WWOX: variants seen among roughly 807,000 people sequenced by gnomAD.
WWOX encodes WW domain containing oxidoreductase.
Under a neutral mutation model 46.2 loss-of-function variants are expected in WWOX, and 69 were observed. That is an observed-to-expected ratio of 1.49 (90% CI 1.23 to 1.82). The LOEUF is 1.82. WWOX is among the 40% of genes most tolerant of loss of function. The probability of loss-of-function intolerance (pLI) is 0.00; values close to 1 mark genes in which losing one functional copy is unlikely to be tolerated. For synonymous variants in WWOX, 359 were observed against 202.6 expected (o/e 1.77, Z -6.56); for missense variants, 919 against 542.6 (o/e 1.69, Z -6.89).
chr16:78,501,226 G>C (rs563444673), intron 8 of WWOX, among the ~76,000 whole-genome samples: 2 of 45,550 alleles, frequency 4.4e-5, no homozygotes, highest in Non-Finnish European at 1.4e-4. Context: ...TTTTGGAGCA[G>C]CACCTGCATG....
At chr16:79,046,033 C>G (rs902635194) in intron 8 of WWOX, among the ~76,000 whole-genome samples, 3 of 152,140 alleles carry the variant, frequency 2.0e-5, no homozygotes, top group Admixed American at 6.5e-5. Context: ...AGCTCCTGAC[C>G]TCAGATGATC....
chr16:78,818,718 C>A (rs76643487), intron 8 of WWOX, among the ~76,000 whole-genome samples: 1 of 152,228 alleles, frequency 6.6e-6, no homozygotes, highest in Admixed American at 6.5e-5. Context: ...GTTTTGAGTG[C>A]TGCCTCTACC....
rs75000248 is a variant in WWOX, at chr16:78,376,293, G to C, written c.517-10567G>C. On this transcript the variant is annotated intron_variant, in intron 5 of 8. Transcript: ENST00000566780. ...CAAAGCTAGTGAAGTATGTGGGGGC[G>C]GTTTTTAATGAATGATTGAACATTC... 4.0e-3 allele frequency among the ~76,000 whole-genome samples: 605 copies of C among 152,192 alleles called. 5 individuals carry two copies. The highest frequency in any genetic ancestry group is 0.014 in the African/African-American group (574 of 41,506).
chr16:78,457,965 C>G (rs1049816187), intron 8 of WWOX, among the ~76,000 whole-genome samples: 9 of 148,068 alleles, frequency 6.1e-5, no homozygotes, highest in African/African-American at 2.0e-4. Flanking sequence ...GTAATCACAG[C>G]TATCCAGAGG....
intron 8 of WWOX, among the ~76,000 whole-genome samples, chr16:78,466,965 G>T (rs531007659): frequency 6.6e-6 from 1 of 152,148 alleles, no homozygotes; most frequent in Non-Finnish European, 1.5e-5. Flanking sequence ...ACAGATCTTA[G>T]AGAGGGACAC....
chr16:78,708,697 C>G (rs541580651), intron 8 of WWOX, among the ~76,000 whole-genome samples: 24 of 152,218 alleles, frequency 1.6e-4, no homozygotes, highest in African/African-American at 5.3e-4. Context: ...GGCTTTGCCT[C>G]CAAGTGCGTT....
At chr16:78,318,802 C>G (rs1162025654) in intron 5 of WWOX, among the ~76,000 whole-genome samples, 1 of 152,148 alleles carries the variant, frequency 6.6e-6, no homozygotes, top group East Asian at 1.9e-4. Context: ...GATTTTTACT[C>G]ACTTTTCTAC....
At chr16:78,338,297 C>T (rs551233901) in intron 5 of WWOX, among the ~76,000 whole-genome samples, 1 of 121,386 alleles carries the variant, frequency 8.2e-6, no homozygotes, top group African/African-American at 2.8e-5. Flanking sequence ...ATGTAGACAC[C>T]AACACCCTCA....
At chr16:78,929,332 G>A (rs920403457) in intron 8 of WWOX, among the ~76,000 whole-genome samples, 1 of 151,632 alleles carries the variant, frequency 6.6e-6, no homozygotes, top group African/African-American at 2.4e-5. Flanking sequence ...GCAAATACTT[G>A]AATTTTCAGT....
chr16:78,831,852 A>C (rs1406844248), intron 8 of WWOX, among the ~76,000 whole-genome samples: 1 of 152,188 alleles, frequency 6.6e-6, no homozygotes, highest in Non-Finnish European at 1.5e-5. Flanking sequence ...CTTAGGAGAC[A>C]CAGGGGAGGA....
chr16:78,229,705 TCATTTAAGC>T (rs1259550967), intron 5 of WWOX, among the ~76,000 whole-genome samples: 1 of 152,010 alleles, frequency 6.6e-6, no homozygotes, highest in Non-Finnish European at 1.5e-5. Context: ...TGTTGGTAGC[TCATTTAAGC>T]CATAAACATG....
chr16:78,878,572 C>G (rs1041553031), intron 8 of WWOX, among the ~76,000 whole-genome samples: 1 of 152,058 alleles, frequency 6.6e-6, no homozygotes, highest in African/African-American at 2.4e-5. Flanking sequence ...ATATTAACAC[C>G]TATTTTACAG....
rs140120757 is a variant in WWOX, at chr16:78,231,479, A to T, written c.516+67190A>T. On this transcript the variant is annotated intron_variant, in intron 5 of 8. Coordinates refer to ENST00000566780, the MANE Select transcript of WWOX (RefSeq NM_016373.4). Reference sequence around the variant, plus strand: ...GTGGCCATCGAAAATAGTCAGCCTGAGTGTTGCTACCTGTTTTCCATAATT... The same window carrying T: ...GTGGCCATCGAAAATAGTCAGCCTGTGTGTTGCTACCTGTTTTCCATAATT... Among the ~76,000 whole-genome samples the T allele has an allele frequency of 3.4e-3, 519 of 152,282 alleles. 5 individuals carry two copies. The highest frequency in any genetic ancestry group is 0.012 in the African/African-American group (478 of 41,550).
At chr16:78,138,037 C>G (rs929396259) in intron 4 of WWOX, among the ~76,000 whole-genome samples, 1 of 150,606 alleles carries the variant, frequency 6.6e-6, no homozygotes, top group Non-Finnish European at 1.5e-5. Flanking sequence ...TTCTGATCAG[C>G]TTCTATAATG....
chr16:78,384,466 A>G (rs899032685), intron 5 of WWOX, among the ~76,000 whole-genome samples: 2 of 152,082 alleles, frequency 1.3e-5, no homozygotes, highest in African/African-American at 4.8e-5. Context: ...TCAGTTACTC[A>G]GACAGCTTAT....
At chr16:78,931,930 A>C (rs76023941) in intron 8 of WWOX, among the ~76,000 whole-genome samples, 1 of 152,178 alleles carries the variant, frequency 6.6e-6, no homozygotes, top group Non-Finnish European at 1.5e-5. Flanking sequence ...AATAAGTCCC[A>C]TGAGATCTGA....
intron 5 of WWOX, among the ~76,000 whole-genome samples, chr16:78,265,770 T>C: frequency 6.6e-6 from 1 of 151,848 alleles, no homozygotes; most frequent in East Asian, 1.9e-4. Context: ...TTTTCACAGC[T>C]GTGTCTTCAT....
At chr16:78,481,502 C>T (rs1297202046) in intron 8 of WWOX, among the ~76,000 whole-genome samples, 5 of 151,978 alleles carry the variant, frequency 3.3e-5, no homozygotes, top group Admixed American at 6.6e-5. Flanking sequence ...GCAGGATGTT[C>T]GTTTGTTTAT....
chr16:78,940,268 A>G (rs1294173855), intron 8 of WWOX, among the ~76,000 whole-genome samples: 2 of 152,224 alleles, frequency 1.3e-5, no homozygotes, highest in Non-Finnish European at 2.9e-5. Context: ...TTTGTATTAA[A>G]TAACCTCTGT....
Sources: allele counts gnomAD v4.1 joint callset (sites outside exome capture counted in the v4.1 genomes callset), GRCh38; gene constraint gnomAD v4.1.1; transcripts MANE v1.5; gene names NCBI Gene and HGNC (gene_info 2026-07-23, HGNC 2026-07-21).